The following PCDHA8 variants were observed in gnomAD, a reference collection of about 807,000 sequenced individuals.
PCDHA8 encodes the protein protocadherin alpha 8.
A neutral mutation model predicts 61.8 loss-of-function variants in PCDHA8; 53 were observed. The ratio of observed to expected loss-of-function variants is 0.86; its 90% CI spans 0.69 to 1.08. The LOEUF is 1.08. PCDHA8 is among the 50% of genes least tolerant of loss of function. The pLI, the probability that PCDHA8 is intolerant of heterozygous loss-of-function variation, is 0.00. For synonymous variants in PCDHA8, 618 were observed against 556.6 expected, an observed-to-expected ratio of 1.11 and a Z score of -1.55; for missense variants, 1,293 against 1,245.0, an observed-to-expected ratio of 1.04 and a Z score of -0.58.
intron 1 of PCDHA8, chr5:140,863,096 G>A (rs1554157719): frequency 5.2e-6 from 3 of 578,170 alleles, no homozygotes; most frequent in South Asian, 1.4e-5. Flanking sequence ...AGCACGACGA[G>A]TACCCTGGAC....
rs2150409017 is a variant in PCDHA8, at chr5:140,848,335, G to A, written c.2394+4620G>A. ...TGCCGCGATGTTCTCTCTGAATCCA[G>A]ACAAATACAGCCCTTTTCCCATGGG... On this transcript the variant is annotated intron_variant, in intron 1 of 3. Transcript: ENST00000531613. The A allele has an allele frequency of 1.4e-5, 12 of 865,274 alleles. 2 individuals carry two copies. The highest frequency in any genetic ancestry group is 2.2e-5 in the Non-Finnish European group (12 of 551,794). 53.6% of individuals were successfully genotyped at this position (865,274 alleles called of 1,614,324 possible). A position where few individuals can be genotyped will look rare whatever the true frequency, so the allele number is the denominator to read the frequency against.
Position 140,843,204 on chromosome 5 carries a change from C to A in PCDHA8, c.1883C>A (p.Thr628Lys), listed in dbSNP as rs199959178. 6.3e-7 allele frequency: 1 copy of A among 1,596,052 alleles called. No homozygotes were observed. The highest frequency in any genetic ancestry group is 1.1e-5 in the South Asian group (1 of 90,498). ...PRIPFRVGLY[T>K]GEISTTRVLD... ...ATCCCGTTCCGCGTGGGGCTGTACA[C>A]GGGCGAGATCAGCACCACTCGTGTC... is the stretch of plus-strand genomic sequence containing the variant. The change falls in exon 1 of 4, where the codon ACG becomes AAG. Residue 628 changes from threonine to lysine, a missense_variant. By Grantham distance (78) the Thr-to-Lys change is moderately conservative. Coordinates refer to ENST00000531613, the MANE Select transcript of PCDHA8 (RefSeq NM_018911.3).
chr5:140,967,682 C>G, intron 1 of PCDHA8: 2 of 1,614,176 alleles, frequency 1.2e-6, no homozygotes, highest in South Asian at 2.2e-5. Context: ...CCGGGAGAGG[C>G]AGCTCTTCAG....
chr5:140,905,043 A>G (rs782694794), intron 1 of PCDHA8, among the ~76,000 whole-genome samples: 1 of 152,244 alleles, frequency 6.6e-6, no homozygotes, highest in East Asian at 1.9e-4. Flanking sequence ...TAGTTTAATT[A>G]GGTCCCATTT....
intron 1 of PCDHA8, among the ~76,000 whole-genome samples, chr5:140,880,555 T>C (rs1250449659): frequency 1.3e-5 from 2 of 152,134 alleles, no homozygotes; most frequent in Admixed American, 6.6e-5. Context: ...CTGATGGAAA[T>C]GAGGTTGAGA....
intron 1 of PCDHA8, among the ~76,000 whole-genome samples, chr5:140,950,750 C>T (rs1320735521): frequency 3.3e-5 from 5 of 151,928 alleles, no homozygotes; most frequent in Non-Finnish European, 7.4e-5. Flanking sequence ...TCTCTCTATC[C>T]TTTCTGGACT....
At position 141,010,070 on chromosome 5, in the gene PCDHA8, C is replaced by A. The variant is rs1331011642; in HGVS notation, c.*133C>A. The A allele has an allele frequency of 3.7e-5, 60 of 1,605,422 alleles. No individual in the cohort carries two copies. Among genetic ancestry groups the A allele is most frequent in the Non-Finnish European group, 5.0e-5 (59 of 1,175,768 alleles). ...AGACCTCAGAAATCTGCAGAAAGTT[C>A]CCTGTGTCTGTCTAGAACGCATTTA... is the stretch of plus-strand genomic sequence containing the variant. On this transcript the variant is annotated 3_prime_UTR_variant, in exon 4 of 4. Coordinates refer to ENST00000531613, the MANE Select transcript of PCDHA8 (RefSeq NM_018911.3).
rs2098422568 is a variant in PCDHA8 at position 141,011,988 on chromosome 5, C to A, written c.*2051C>A. ...AAACTGTCTTGTCTACTTTTAGCTTCATTCTCCCATATTTTGAAGGGTGTG... is the reference window on the plus strand; with the variant it reads ...AAACTGTCTTGTCTACTTTTAGCTTAATTCTCCCATATTTTGAAGGGTGTG... On this transcript the variant is annotated 3_prime_UTR_variant, in exon 4 of 4. Coordinates refer to ENST00000531613, the MANE Select transcript of PCDHA8 (RefSeq NM_018911.3). 6.5e-6 allele frequency: 1 copy of A among 153,688 alleles called. No individual in the cohort carries two copies. The highest frequency in any genetic ancestry group is 2.4e-5 in the African/African-American group (1 of 41,434). 9.5% of individuals were successfully genotyped at this position (153,688 alleles called of 1,614,324 possible). A position where few individuals can be genotyped will look rare whatever the true frequency, so the allele number is the denominator to read the frequency against.
chr5:140,850,875 G>A lies in PCDHA8; in HGVS notation c.2394+7160G>A, dbSNP rs201934627. 18 of 1,590,472 alleles carry A rather than the reference G, an allele frequency of 1.1e-5. 3 individuals carry two copies. The highest frequency in any genetic ancestry group is 1.5e-5 in the Non-Finnish European group (18 of 1,162,510). ...AACGGGAGAACCCTCTGCTTCCTCAGATTCAACTGGGAAGGTGGGTTTTTC... is the reference window on the plus strand; with the variant it reads ...AACGGGAGAACCCTCTGCTTCCTCAAATTCAACTGGGAAGGTGGGTTTTTC... On this transcript the variant is annotated intron_variant, in intron 1 of 3. Transcript: ENST00000531613.
chr5:140,889,035 T>C (rs1554183751), intron 1 of PCDHA8, among the ~76,000 whole-genome samples: 2 of 152,104 alleles, frequency 1.3e-5, no homozygotes. Flanking sequence ...AACCGTAATT[T>C]GATTATAATT....
At chr5:140,947,059 A>G (rs1297447274) in intron 1 of PCDHA8, among the ~76,000 whole-genome samples, 2 of 151,742 alleles carry the variant, frequency 1.3e-5, no homozygotes, top group Admixed American at 1.3e-4. Flanking sequence ...ATCATTACAC[A>G]GTGTATATAT....
At chr5:141,005,321 A>C (rs1455149994) in intron 3 of PCDHA8, among the ~76,000 whole-genome samples, 1 of 152,182 alleles carries the variant, frequency 6.6e-6, no homozygotes, top group Admixed American at 6.5e-5. Context: ...AGTGGTAGAG[A>C]ATAATAGGCC....
intron 1 of PCDHA8, chr5:140,968,434 C>T: frequency 6.8e-6 from 11 of 1,613,948 alleles, no homozygotes; most frequent in Non-Finnish European, 8.5e-6. Flanking sequence ...ACAAGGGGAG[C>T]CCACCACTGA....
intron 1 of PCDHA8, chr5:140,930,358 T>G (rs1253370170): frequency 6.6e-6 from 1 of 152,216 alleles, no homozygotes; most frequent in Non-Finnish European, 1.5e-5. Context: ...AATATTTCAA[T>G]TTATCTGTTA....
intron 1 of PCDHA8, among the ~76,000 whole-genome samples, chr5:140,908,155 G>T (rs559304647): frequency 2.0e-5 from 3 of 152,194 alleles, no homozygotes; most frequent in African/African-American, 4.8e-5. Flanking sequence ...TCCTAGGAAG[G>T]GGCTGTAGTG....
rs144585858 is a variant in PCDHA8 at position 140,984,129 on chromosome 5, G to A, written c.2542+1566G>A. On this transcript the variant is annotated intron_variant, in intron 3 of 3. Transcript: ENST00000531613. The stretch of plus-strand genomic sequence containing the variant: ...GGTTTTAGACTGCCAAGTGTTGCAG[G>A]ATGTGGAGGCATCTGGGAAGGTGAG... 1.3e-3 allele frequency among the ~76,000 whole-genome samples: 205 copies of A among 152,236 alleles called. 1 individual carries two copies. Among genetic ancestry groups the A allele is most frequent in the Non-Finnish European group, 2.6e-3 (175 of 68,046 alleles).
intron 3 of PCDHA8, among the ~76,000 whole-genome samples, chr5:141,006,540 A>T (rs868906531): frequency 1.6e-4 from 25 of 152,182 alleles, no homozygotes; most frequent in Admixed American, 3.3e-4. Context: ...AAAGAGAGAC[A>T]TTAAGAAATA....
At chr5:140,968,365 T>C (rs1554230638) in intron 1 of PCDHA8, 1 of 1,614,112 alleles carries the variant, frequency 6.2e-7, no homozygotes, top group Non-Finnish European at 8.5e-7. Context: ...GCCTTTATGC[T>C]GTCAACTCCT....
chr5:140,875,882 A>G (rs2055902382), intron 1 of PCDHA8: 1 of 1,614,158 alleles, frequency 6.2e-7, no homozygotes, highest in Non-Finnish European at 8.5e-7. Flanking sequence ...AGAGAAAGGG[A>G]ACAAAAGGTA....
Sources: allele counts gnomAD v4.1 joint callset (sites outside exome capture counted in the v4.1 genomes callset), GRCh38; gene constraint gnomAD v4.1.1; transcripts MANE v1.5; gene names NCBI Gene and HGNC (gene_info 2026-07-23, HGNC 2026-07-21).